PTPRD: variants seen among roughly 807,000 people sequenced by gnomAD.
PTPRD encodes the protein protein tyrosine phosphatase receptor type D, also known as receptor-type tyrosine-protein phosphatase delta.
A neutral mutation model predicts 214.5 loss-of-function variants in PTPRD; 34 were observed. The observed-to-expected ratio is 0.16, with a 90% CI of 0.12 to 0.21. PTPRD has a LOEUF of 0.21. Ranked by LOEUF, PTPRD falls within the 10% of genes least tolerant of loss-of-function variation. The pLI is 1.00. For synonymous variants in PTPRD, 1,128 were observed against 845.7 expected (o/e 1.33, Z -5.79); for missense variants, 2,545 against 2,398.7 (o/e 1.06, Z -1.27).
chr9:10,533,178 G>A (rs1019404798), intron 2 of PTPRD, among the ~76,000 whole-genome samples: 4 of 152,034 alleles, frequency 2.6e-5, no homozygotes, highest in Non-Finnish European at 5.9e-5. Context: ...TCCTCCAGGA[G>A]TGGAAGCAGC....
intron 5 of PTPRD, among the ~76,000 whole-genome samples, chr9:9,912,478 G>A (rs1359446588): frequency 1.3e-5 from 2 of 152,148 alleles, no homozygotes; most frequent in African/African-American, 2.4e-5. Context: ...TTTGCCATAT[G>A]AATTAAGGTT....
At chr9:9,787,584 G>C (rs1171995082) in intron 5 of PTPRD, among the ~76,000 whole-genome samples, 2 of 151,810 alleles carry the variant, frequency 1.3e-5, no homozygotes, top group Non-Finnish European at 2.9e-5. Context: ...AAAAGAAAAA[G>C]AAGATTGAGG....
Position 9,052,166 on chromosome 9 carries a change from G to T in PTPRD, c.-142-33431C>A, listed in dbSNP as rs187147374. Among the ~76,000 whole-genome samples the T allele has an allele frequency of 4.6e-5, 7 of 152,238 alleles. No individual in the cohort carries two copies. In the East Asian group the frequency reaches 1.4e-3, roughly 29 times the overall value. ...GCACCTTCTCGCTGTGCTCCCACAT[G>T]GCAGAAGGGGCAAGGGAGCTCACTA... is the stretch of plus-strand genomic sequence containing the variant. On this transcript the variant is annotated intron_variant, in intron 10 of 45. Coordinates refer to ENST00000381196, the MANE Select transcript of PTPRD (RefSeq NM_002839.4).
At chr9:9,491,036 T>C (rs2095871717) in intron 8 of PTPRD, among the ~76,000 whole-genome samples, 1 of 151,910 alleles carries the variant, frequency 6.6e-6, no homozygotes, top group Non-Finnish European at 1.5e-5. Context: ...GATCTAATTA[T>C]ACACTGTATA....
At chr9:10,423,042 C>T (rs891108693) in intron 2 of PTPRD, among the ~76,000 whole-genome samples, 3 of 152,038 alleles carry the variant, frequency 2.0e-5, no homozygotes, top group Non-Finnish European at 4.4e-5. Context: ...ATAGCAAAGA[C>T]TTGGAACCAA....
chr9:8,621,556 C>G (rs1009282519), intron 14 of PTPRD, among the ~76,000 whole-genome samples: 1 of 151,796 alleles, frequency 6.6e-6, no homozygotes, highest in Non-Finnish European at 1.5e-5. Context: ...ATGGCAAATC[C>G]TTGAGAATAA....
At chr9:10,002,793 A>G (rs547267360) in intron 4 of PTPRD, among the ~76,000 whole-genome samples, 25 of 144,450 alleles carry the variant, frequency 1.7e-4, no homozygotes, top group African/African-American at 5.9e-4. Flanking sequence ...AGTAGATGAT[A>G]AAAAAAAAAG....
At chr9:8,813,264 C>CG (rs969521784) in intron 11 of PTPRD, among the ~76,000 whole-genome samples, 12 of 145,708 alleles carry the variant, frequency 8.2e-5, no homozygotes, top group Admixed American at 3.5e-4. Flanking sequence ...TGAGGAAGGG[C>CG]GGGGGGGCAG....
chr9:10,232,252 C>T (rs993383475), intron 3 of PTPRD, among the ~76,000 whole-genome samples: 1 of 151,854 alleles, frequency 6.6e-6, no homozygotes, highest in African/African-American at 2.4e-5. Context: ...TTCAGGTATT[C>T]TGTTACAGCC....
At chr9:9,460,608 T>C (rs1376118359) in intron 8 of PTPRD, among the ~76,000 whole-genome samples, 1 of 151,846 alleles carries the variant, frequency 6.6e-6, no homozygotes, top group Non-Finnish European at 1.5e-5. Context: ...GCGATGCAAA[T>C]TAAAACCACA....
intron 10 of PTPRD, among the ~76,000 whole-genome samples, chr9:9,064,167 A>G (rs2099718112): frequency 6.6e-6 from 1 of 152,142 alleles, no homozygotes; most frequent in Admixed American, 6.5e-5. Flanking sequence ...AGCATAAGAA[A>G]TGTATTTTAC....
At chr9:10,364,644 C>T (rs182944096) in intron 2 of PTPRD, among the ~76,000 whole-genome samples, 6 of 152,286 alleles carry the variant, frequency 3.9e-5, no homozygotes, top group Admixed American at 3.3e-4. Context: ...CAGCAACTTA[C>T]ATGTCACAGA....
intron 5 of PTPRD, among the ~76,000 whole-genome samples, chr9:9,886,113 C>A (rs2070805103): frequency 6.6e-6 from 1 of 152,010 alleles, no homozygotes; most frequent in African/African-American, 2.4e-5. Context: ...ACACACCAGC[C>A]ACTTCCGGAA....
At chr9:8,570,692 G>A (rs2090863825) in intron 14 of PTPRD, among the ~76,000 whole-genome samples, 1 of 151,966 alleles carries the variant, frequency 6.6e-6, no homozygotes, top group Non-Finnish European at 1.5e-5. Flanking sequence ...GCTCAATGTT[G>A]TGATGGAATC....
chr9:10,545,524 TATTG>T (rs1225696655), intron 2 of PTPRD, among the ~76,000 whole-genome samples: 1 of 152,172 alleles, frequency 6.6e-6, no homozygotes, highest in Non-Finnish European at 1.5e-5. Context: ...CTTGTTTATT[TATTG>T]ATTGATTTTG....
At chr9:9,614,686 T>A (rs961045847) in intron 7 of PTPRD, among the ~76,000 whole-genome samples, 1 of 152,216 alleles carries the variant, frequency 6.6e-6, no homozygotes, top group African/African-American at 2.4e-5. Context: ...GCTATCATGA[T>A]GCTGATAGAT....
chr9:8,937,021 G>A (rs1376374285), intron 11 of PTPRD, among the ~76,000 whole-genome samples: 1 of 152,140 alleles, frequency 6.6e-6, no homozygotes. Context: ...TTGGATAGAT[G>A]TTACAGACAT....
At chr9:9,959,693 G>A (rs772143733) in intron 4 of PTPRD, among the ~76,000 whole-genome samples, 2 of 152,242 alleles carry the variant, frequency 1.3e-5, no homozygotes, top group Middle Eastern at 3.4e-3. Flanking sequence ...TACTTGAGTT[G>A]ATAAAGTTGT....
At chr9:9,726,722 A>C (rs904805057) in intron 7 of PTPRD, among the ~76,000 whole-genome samples, 7 of 152,182 alleles carry the variant, frequency 4.6e-5, no homozygotes, top group African/African-American at 1.7e-4. Context: ...ATAACTTTTC[A>C]AGGCTTACAT....
Sources: gnomAD v4.1 joint callset for allele counts (sites outside exome capture counted in the v4.1 genomes callset) on GRCh38, gnomAD v4.1.1 for gene constraint, MANE v1.5 for transcripts, NCBI Gene and HGNC (gene_info 2026-07-23, HGNC 2026-07-21) for gene names.